Variants in NPHP4 observed in about 807,000 individuals in gnomAD.
The protein encoded by NPHP4 is nephrocystin-4.
Under a neutral mutation model 155.8 loss-of-function variants are expected in NPHP4, and 151 were observed. That is an observed-to-expected ratio of 0.97 (90% CI 0.85 to 1.11). NPHP4 has a LOEUF of 1.11. Ranked by LOEUF, NPHP4 falls within the 50% of genes least tolerant of loss-of-function variation. The probability of loss-of-function intolerance (pLI) is 0.00; values close to 1 mark genes in which losing one functional copy is unlikely to be tolerated. For missense variants in NPHP4, 1,956 were observed against 1,925.7 expected (o/e 1.02, Z -0.29); for synonymous variants, 845 against 816.8 (o/e 1.03, Z -0.59).
chr1:5,928,529 G>A (rs1432922816), intron 10 of NPHP4, among the ~76,000 whole-genome samples: 1 of 151,858 alleles, frequency 6.6e-6, no homozygotes, highest in African/African-American at 2.4e-5. Flanking sequence ...ATATGTTTGT[G>A]TGAATACAGG....
chr1:5,888,441 T>C, intron 17 of NPHP4: 1 of 1,129,976 alleles, frequency 8.8e-7, no homozygotes, highest in East Asian at 7.8e-5. Flanking sequence ...TGCCTGTCTC[T>C]GGGAGTGAGA....
rs886046462 is a variant in NPHP4, at chr1:5,874,661, G to T, written c.3045-4C>A. ...CTCCTGACTGTCCACGATGACGCTGGGGGAGGCAGTGTCCAGGCGTCAGGG... is the reference window on the plus strand; with the variant it reads ...CTCCTGACTGTCCACGATGACGCTGTGGGAGGCAGTGTCCAGGCGTCAGGG... On this transcript the variant is annotated splice_region_variant and splice_polypyrimidine_tract_variant and intron_variant, in intron 21 of 29. Coordinates refer to ENST00000378156, the MANE Select transcript of NPHP4 (RefSeq NM_015102.5). 4 of 1,610,952 alleles carry T rather than the reference G, an allele frequency of 2.5e-6. No homozygotes were observed. The East Asian group carries it at 8.9e-5, about 36-fold the overall frequency.
At chr1:5,885,498 C>G (rs1452516351) in intron 18 of NPHP4, among the ~76,000 whole-genome samples, 1 of 152,276 alleles carries the variant, frequency 6.6e-6, no homozygotes, top group Admixed American at 6.5e-5. Context: ...GCAAAAGAGG[C>G]TGCCAAGGAA....
chr1:5,899,483 T>C (rs972898335), intron 16 of NPHP4, among the ~76,000 whole-genome samples: 1 of 152,210 alleles, frequency 6.6e-6, no homozygotes, highest in Admixed American at 6.5e-5. Flanking sequence ...AGAAGGGTGG[T>C]TCCCTTGGGG....
chr1:5,959,331 T>C (rs1437033626), intron 6 of NPHP4, among the ~76,000 whole-genome samples: 16 of 152,228 alleles, frequency 1.1e-4, no homozygotes, highest in Admixed American at 9.8e-4. Flanking sequence ...GCCAGACCTC[T>C]TCCGAAGCAT....
At chr1:5,981,000 T>C (rs1217704939) in intron 2 of NPHP4, among the ~76,000 whole-genome samples, 1 of 152,138 alleles carries the variant, frequency 6.6e-6, no homozygotes, top group African/African-American at 2.4e-5. Context: ...CCCCTGGCTT[T>C]TCCATGTTGA....
intron 2 of NPHP4, among the ~76,000 whole-genome samples, chr1:5,980,348 C>A (rs1654463764): frequency 6.6e-6 from 1 of 152,208 alleles, no homozygotes; most frequent in Admixed American, 6.5e-5. Context: ...CAGGTACATT[C>A]TAAGCAGAAA....
chr1:5,956,620 G>A (rs374390374), intron 6 of NPHP4, among the ~76,000 whole-genome samples: 11 of 152,152 alleles, frequency 7.2e-5, no homozygotes, highest in African/African-American at 2.4e-4. Flanking sequence ...TGTGACCTTC[G>A]AGAGGCCAGG....
intron 1 of NPHP4, among the ~76,000 whole-genome samples, chr1:5,988,654 G>A (rs1655817989): frequency 6.6e-6 from 1 of 152,248 alleles, no homozygotes; most frequent in South Asian, 2.1e-4. Flanking sequence ...AGACCAAAAA[G>A]TTTGAGAAGG....
chr1:5,940,563 C>A (rs538150298), intron 9 of NPHP4, among the ~76,000 whole-genome samples: 314 of 152,182 alleles, frequency 2.1e-3, no homozygotes, highest in African/African-American at 6.8e-3. Flanking sequence ...TTAAAGACAG[C>A]ATGCGGTATA....
chr1:5,880,005 A>G (rs924400407), intron 19 of NPHP4, 109 bp downstream of exon 19: 7 of 1,111,286 alleles, frequency 6.3e-6, no homozygotes, highest in African/African-American at 3.1e-5. Flanking sequence ...CGAATGGTGC[A>G]CACACACACA....
chr1:5,954,608 T>C (rs1054442986), intron 6 of NPHP4, among the ~76,000 whole-genome samples: 3 of 152,202 alleles, frequency 2.0e-5, no homozygotes, highest in Admixed American at 1.3e-4. Context: ...AGGCAGTCTC[T>C]TCAATAAATG....
intron 3 of NPHP4, among the ~76,000 whole-genome samples, chr1:5,969,568 C>T (rs375394381): frequency 6.6e-6 from 1 of 152,200 alleles, no homozygotes; most frequent in Admixed American, 6.5e-5. Context: ...ACAAGAAACA[C>T]CAACAGATCC....
At chr1:5,898,991 A>C (rs1171042754) in intron 16 of NPHP4, among the ~76,000 whole-genome samples, 1 of 152,220 alleles carries the variant, frequency 6.6e-6, no homozygotes, top group Non-Finnish European at 1.5e-5. Flanking sequence ...ATGCCTCTAC[A>C]TCAGGATGGT....
intron 18 of NPHP4, among the ~76,000 whole-genome samples, chr1:5,883,078 G>A (rs1282057681): frequency 1.3e-5 from 2 of 152,144 alleles, no homozygotes; most frequent in Non-Finnish European, 2.9e-5. Flanking sequence ...CCACCACGGC[G>A]CCAGGTTCAA....
chr1:5,910,988 C>T lies in NPHP4; in HGVS notation c.1442-1775G>A, dbSNP rs1176484625. Reference sequence around the variant, plus strand: ...TCCTGGGCAGCGCCCATTTGGCCCGCGCAGCTCCTCTGTAACCAGCCACAG... The same window carrying T: ...TCCTGGGCAGCGCCCATTTGGCCCGTGCAGCTCCTCTGTAACCAGCCACAG... On this transcript the variant is annotated intron_variant, in intron 11 of 29. Transcript: ENST00000378156. The surrounding 1 kb of genome is among the most constrained non-coding windows in gnomAD (Gnocchi z 5.4). 6.6e-6 allele frequency among the ~76,000 whole-genome samples: 1 copy of T among 152,364 alleles called. No homozygotes were observed. The highest frequency in any genetic ancestry group is 2.4e-5 in the African/African-American group (1 of 41,584).
intron 6 of NPHP4, among the ~76,000 whole-genome samples, chr1:5,955,685 CA>C: frequency 6.6e-6 from 1 of 152,160 alleles, no homozygotes; most frequent in Non-Finnish European, 1.5e-5. Flanking sequence ...TGTGGGATCT[CA>C]AAAAGAAGAG....
At chr1:5,956,528 T>C (rs1167191895) in intron 6 of NPHP4, among the ~76,000 whole-genome samples, 3 of 152,326 alleles carry the variant, frequency 2.0e-5, no homozygotes, top group Admixed American at 6.5e-5. Flanking sequence ...TTCAGCCGGC[T>C]TGGCAGGCCA....
Position 5,865,094 on chromosome 1 carries a change from G to C in NPHP4, c.3816+8C>G. ...AGAGGCTCAGAACAGCCCCCAGAGA[G>C]GCCGTACCTTCAGCTCCTGGGGATG... On this transcript the variant is annotated splice_region_variant and intron_variant, in intron 27 of 29. Coordinates refer to ENST00000378156, the MANE Select transcript of NPHP4 (RefSeq NM_015102.5). The C allele has an allele frequency of 6.2e-7, 1 of 1,613,174 alleles. No homozygotes were observed. Among genetic ancestry groups the C allele is most frequent in the Non-Finnish European group, 8.5e-7 (1 of 1,179,462 alleles).
Sources: allele counts gnomAD v4.1 joint callset (sites outside exome capture counted in the v4.1 genomes callset), GRCh38; gene constraint gnomAD v4.1.1; non-coding constraint Gnocchi (gnomAD v3.1); transcripts MANE v1.5; gene names NCBI Gene and HGNC (gene_info 2026-07-23, HGNC 2026-07-21).